TCF12: variants seen among roughly 807,000 people sequenced by gnomAD.
The protein encoded by TCF12 is DNA-binding protein HTF4.
TCF12 carries 45 observed loss-of-function variants against 86.0 expected under a neutral mutation model. The ratio of observed to expected loss-of-function variants is 0.52; its 90% CI spans 0.41 to 0.67. The LOEUF is 0.67. TCF12 is among the 30% of genes least tolerant of loss of function. The probability of loss-of-function intolerance (pLI) is 0.00; values close to 1 mark genes in which losing one functional copy is unlikely to be tolerated. For missense variants in TCF12, 881 were observed against 859.9 expected (o/e 1.02, Z -0.31); for synonymous variants, 330 against 299.6 (o/e 1.10, Z -1.05).
At chr15:57,156,396 A>G (rs1370357698) in intron 5 of TCF12, among the ~76,000 whole-genome samples, 2 of 152,214 alleles carry the variant, frequency 1.3e-5, no homozygotes, top group African/African-American at 4.8e-5. Context: ...TCACATAGCT[A>G]GTTCACATCA....
intron 3 of TCF12, among the ~76,000 whole-genome samples, chr15:57,017,837 T>C (rs1329025736): frequency 6.6e-6 from 1 of 152,080 alleles, no homozygotes; most frequent in Non-Finnish European, 1.5e-5. Flanking sequence ...TACTTGTTCT[T>C]TAAATATACA....
chr15:57,147,350 T>C (rs1477775947), intron 5 of TCF12, among the ~76,000 whole-genome samples: 3 of 152,198 alleles, frequency 2.0e-5, no homozygotes, highest in African/African-American at 7.2e-5. Context: ...TTTATATTTA[T>C]TTCCTTAGTT....
At chr15:57,251,573 A>G in intron 14 of TCF12, 150 bp downstream of exon 14, 2 of 726,570 alleles carry the variant, frequency 2.8e-6, no homozygotes, top group Non-Finnish European at 4.5e-6. Flanking sequence ...AATATAAGAC[A>G]CATTGGGTAT....
intron 3 of TCF12, among the ~76,000 whole-genome samples, chr15:57,009,906 T>C (rs1362654447): frequency 6.6e-6 from 1 of 152,206 alleles, no homozygotes; most frequent in African/African-American, 2.4e-5. Context: ...ACTAACTGTT[T>C]TATGGATGAA....
intron 3 of TCF12, among the ~76,000 whole-genome samples, chr15:56,999,527 TACCAAAACTC>T (rs2141034556): frequency 6.6e-6 from 1 of 152,232 alleles, no homozygotes; most frequent in Admixed American, 6.5e-5. Context: ...GGACAGTAAC[TACCAAAACTC>T]ACCTAAGATG....
At chr15:57,275,327 G>GGTGGGTGTGTGTGTGTGT (rs2061330294) in intron 19 of TCF12, among the ~76,000 whole-genome samples, 1 of 64,060 alleles carries the variant, frequency 1.6e-5, no homozygotes. Context: ...GTAAGGTAGG[G>GGTGGGTGTGTGTGTGTGT]GTGTGTGTGT....
intron 3 of TCF12, among the ~76,000 whole-genome samples, chr15:57,001,168 C>T (rs1440243862): frequency 6.6e-6 from 1 of 151,920 alleles, no homozygotes; most frequent in African/African-American, 2.4e-5. Context: ...AGGCATGTGC[C>T]ACCATGCCTG....
intron 5 of TCF12, among the ~76,000 whole-genome samples, chr15:57,133,624 GTTT>G (rs61579168): frequency 5.5e-4 from 79 of 144,632 alleles, no homozygotes; most frequent in African/African-American, 1.9e-3. Flanking sequence ...GCAGTAATGT[GTTT>G]TTTTTTTTTT....
At chr15:57,164,901 G>A (rs2054762423) in intron 5 of TCF12, among the ~76,000 whole-genome samples, 1 of 152,096 alleles carries the variant, frequency 6.6e-6, no homozygotes, top group African/African-American at 2.4e-5. Flanking sequence ...CGCTGGTCTT[G>A]AACTCCTGAC....
At chr15:57,032,003 T>G (rs371856619) in intron 3 of TCF12, among the ~76,000 whole-genome samples, 3 of 152,148 alleles carry the variant, frequency 2.0e-5, no homozygotes, top group Admixed American at 1.3e-4. Flanking sequence ...TTTTTTACTC[T>G]ATCCTCTCAA....
rs115482896 is a variant in TCF12 at position 57,284,774 on chromosome 15, G to A, written c.*12-1383G>A. Reference sequence around the variant, plus strand: ...GTTTTCTTCTCAGTCTCTCTTACTCGTTCAACTTTGTCTTCTTATTCTCAT... The same window carrying A: ...GTTTTCTTCTCAGTCTCTCTTACTCATTCAACTTTGTCTTCTTATTCTCAT... On this transcript the variant is annotated intron_variant, in intron 20 of 20. Coordinates refer to ENST00000333725, the MANE Select transcript of TCF12 (RefSeq NM_207037.2). Among the ~76,000 whole-genome samples the A allele has an allele frequency of 4.1e-3, 620 of 152,236 alleles. 4 individuals carry two copies. The highest frequency in any genetic ancestry group is 0.014 in the African/African-American group (598 of 41,538).
chr15:57,230,330 A>G (rs887883202), intron 8 of TCF12, among the ~76,000 whole-genome samples: 20 of 151,922 alleles, frequency 1.3e-4, no homozygotes, highest in African/African-American at 2.4e-4. Flanking sequence ...GTTTACTTCT[A>G]TAGACTGTGC....
At chr15:56,944,433 T>C (rs1459677320) in intron 3 of TCF12, among the ~76,000 whole-genome samples, 7 of 152,188 alleles carry the variant, frequency 4.6e-5, no homozygotes, top group African/African-American at 7.2e-5. Flanking sequence ...TGTCTTGTAA[T>C]TGCTTTAAAC....
At chr15:57,038,325 G>T (rs1041416663) in intron 3 of TCF12, among the ~76,000 whole-genome samples, 10 of 152,030 alleles carry the variant, frequency 6.6e-5, no homozygotes, top group Non-Finnish European at 1.2e-4. Flanking sequence ...CTACTCAGGG[G>T]GCTGAGACAG....
At chr15:57,225,037 G>C (rs1190920096) in intron 8 of TCF12, among the ~76,000 whole-genome samples, 1 of 151,948 alleles carries the variant, frequency 6.6e-6, no homozygotes, top group African/African-American at 2.4e-5. Flanking sequence ...GTCATTTGTT[G>C]AAATATTCTT....
chr15:57,210,340 A>G (rs1240802119), intron 8 of TCF12, among the ~76,000 whole-genome samples: 1 of 151,380 alleles, frequency 6.6e-6, no homozygotes, highest in Non-Finnish European at 1.5e-5. Context: ...TATCTTCAGG[A>G]GAAAGATAGC....
chr15:57,034,568 A>G (rs2066390267), intron 3 of TCF12, among the ~76,000 whole-genome samples: 1 of 152,190 alleles, frequency 6.6e-6, no homozygotes, highest in African/African-American at 2.4e-5. Flanking sequence ...TTAATAGAAT[A>G]TATTTTTTAA....
At chr15:57,062,154 C>A (rs1304357698) in intron 3 of TCF12, among the ~76,000 whole-genome samples, 1 of 152,104 alleles carries the variant, frequency 6.6e-6, no homozygotes, top group Non-Finnish European at 1.5e-5. Context: ...GACGGGGTTT[C>A]TCCGTATTAG....
chr15:57,206,928 A>AG (rs1488595472), intron 8 of TCF12, among the ~76,000 whole-genome samples: 73 of 75,848 alleles, frequency 9.6e-4, no homozygotes, highest in African/African-American at 2.8e-3. Flanking sequence ...CTGTCTCTAC[A>AG]GAAAAAAAAA....
Sources: gnomAD v4.1 joint callset for allele counts (sites outside exome capture counted in the v4.1 genomes callset) on GRCh38, gnomAD v4.1.1 for gene constraint, MANE v1.5 for transcripts, NCBI Gene and HGNC (gene_info 2026-07-23, HGNC 2026-07-21) for gene names.